The following POFUT3 variants were observed in gnomAD, a reference collection of about 807,000 sequenced individuals.
POFUT3 encodes the protein protein O-fucosyltransferase 3.
At chr8:33,446,906 C>G in the POFUT3 span, among the ~76,000 whole-genome samples, 1 of 152,188 alleles carries the variant, frequency 6.6e-6, no homozygotes, top group Non-Finnish European at 1.5e-5. Flanking sequence ...AACAGTCAGG[C>G]TCCCTCCTGG....
the POFUT3 span, among the ~76,000 whole-genome samples, chr8:33,418,940 G>A: frequency 6.6e-6 from 1 of 152,166 alleles, no homozygotes; most frequent in Admixed American, 6.5e-5. Flanking sequence ...GGATGGAACT[G>A]GAGGTTATTA....
chr8:33,343,133 GA>G, the POFUT3 span, among the ~76,000 whole-genome samples: 1 of 149,056 alleles, frequency 6.7e-6, no homozygotes, highest in South Asian at 2.1e-4. Flanking sequence ...AAAAGGAAAA[GA>G]AAACTTACTT....
the POFUT3 span, among the ~76,000 whole-genome samples, chr8:33,365,473 A>G: frequency 4.6e-5 from 7 of 152,216 alleles, no homozygotes; most frequent in Admixed American, 4.6e-4. Flanking sequence ...TGAACAGGCA[A>G]CCTACAGAAT....
chr8:33,435,082 C>G, the POFUT3 span, among the ~76,000 whole-genome samples: 1 of 152,206 alleles, frequency 6.6e-6, no homozygotes, highest in Non-Finnish European at 1.5e-5. Context: ...TCATTCCTCC[C>G]CATCCAAGAC....
At chr8:33,385,256 C>T in the POFUT3 span, among the ~76,000 whole-genome samples, 1 of 152,146 alleles carries the variant, frequency 6.6e-6, no homozygotes, top group Admixed American at 6.5e-5. Context: ...GGGGAAGGGG[C>T]ATTCTTTTCC....
At chr8:33,363,115 T>G in the POFUT3 span, among the ~76,000 whole-genome samples, 1 of 152,158 alleles carries the variant, frequency 6.6e-6, no homozygotes, top group Non-Finnish European at 1.5e-5. Flanking sequence ...ATTAAGAAAC[T>G]CACTCAAAAC....
At chr8:33,425,058 C>T in the POFUT3 span, among the ~76,000 whole-genome samples, 373 of 152,210 alleles carry the variant, frequency 2.5e-3, 2 homozygotes, top group Non-Finnish European at 4.4e-3. Context: ...TGCTCAGAGG[C>T]CGGGTGCTGG....
the POFUT3 span, among the ~76,000 whole-genome samples, chr8:33,388,329 C>CTTT: frequency 0.012 from 1,044 of 83,856 alleles, 5 homozygotes; most frequent in East Asian, 0.03. Context: ...AAGCAGAACT[C>CTTT]TTTTTTTTTT....
chr8:33,326,783 T>C, the POFUT3 span, among the ~76,000 whole-genome samples: 1 of 139,602 alleles, frequency 7.2e-6, no homozygotes, highest in Admixed American at 6.9e-5. Flanking sequence ...CCTTTTCGTT[T>C]GTCTGTTTGT....
chr8:33,337,858 G>A, the POFUT3 span, among the ~76,000 whole-genome samples: 2 of 152,334 alleles, frequency 1.3e-5, no homozygotes, highest in African/African-American at 4.8e-5. Flanking sequence ...GAGGCTGGAA[G>A]TCCAAGATCA....
At chr8:33,379,585 C>G in the POFUT3 span, among the ~76,000 whole-genome samples, 2 of 151,950 alleles carry the variant, frequency 1.3e-5, no homozygotes, top group Middle Eastern at 3.2e-3. Flanking sequence ...CGCCTGTAAT[C>G]TCAGCACTTT....
the POFUT3 span, among the ~76,000 whole-genome samples, chr8:33,319,289 ATATG>A: frequency 1.6e-5 from 1 of 60,624 alleles, no homozygotes; most frequent in Non-Finnish European, 2.7e-5. Context: ...TATTTTATAT[ATATG>A]TTTATATAAT....
the POFUT3 span, among the ~76,000 whole-genome samples, chr8:33,420,220 T>A: frequency 6.6e-6 from 1 of 152,206 alleles, no homozygotes; most frequent in Non-Finnish European, 1.5e-5. Context: ...TAAAATAAAA[T>A]TAATGATAAG....
At chr8:33,447,327 T>C in the POFUT3 span, among the ~76,000 whole-genome samples, 1 of 152,084 alleles carries the variant, frequency 6.6e-6, no homozygotes, top group East Asian at 1.9e-4. Context: ...CGGGTGCCTG[T>C]AGTCCCAGCT....
the POFUT3 span, among the ~76,000 whole-genome samples, chr8:33,419,667 C>T: frequency 1.3e-5 from 2 of 152,132 alleles, no homozygotes. Context: ...CAAAATATTA[C>T]AGGTTCCTCA....
the POFUT3 span, among the ~76,000 whole-genome samples, chr8:33,355,780 C>G: frequency 6.6e-6 from 1 of 152,028 alleles, no homozygotes; most frequent in Non-Finnish European, 1.5e-5. Flanking sequence ...ATTAACTCGT[C>G]ATTTAGCATT....
the POFUT3 span, among the ~76,000 whole-genome samples, chr8:33,337,674 G>A: frequency 6.6e-6 from 1 of 152,146 alleles, no homozygotes; most frequent in Non-Finnish European, 1.5e-5. Context: ...ATGAACAATT[G>A]TATGCCAACA....
At chr8:33,463,866 A>G in the POFUT3 span, among the ~76,000 whole-genome samples, 1 of 152,112 alleles carries the variant, frequency 6.6e-6, no homozygotes, top group African/African-American at 2.4e-5. Flanking sequence ...TTTTAAATCC[A>G]GGAATTTTTT....
At chr8:33,453,655 A>G in the POFUT3 span, 3 of 746,636 alleles carry the variant, frequency 4.0e-6, no homozygotes, top group Non-Finnish European at 6.5e-6. Context: ...AAATAACACA[A>G]ATTTAAGCAA....
Sources: allele counts gnomAD v4.1 joint callset (sites outside exome capture counted in the v4.1 genomes callset), GRCh38; gene constraint gnomAD v4.1.1; transcripts MANE v1.5; gene names NCBI Gene and HGNC (gene_info 2026-07-23, HGNC 2026-07-21).